Variants in TRAPPC11 observed in about 807,000 individuals in gnomAD.
TRAPPC11 encodes the protein trafficking protein particle complex subunit 11, also known as foie gras homolog.
Under a neutral mutation model 151.2 loss-of-function variants are expected in TRAPPC11, and 104 were observed. The ratio of observed to expected loss-of-function variants is 0.69; its 90% CI spans 0.59 to 0.81. TRAPPC11 has a LOEUF of 0.81. Among genes scored for constraint, TRAPPC11 ranks in the 30% least tolerant of loss-of-function variants. The pLI is 0.00. For synonymous variants in TRAPPC11, 456 were observed against 472.3 expected, an observed-to-expected ratio of 0.97 and a Z score of 0.45; for missense variants, 1,230 against 1,349.6, an observed-to-expected ratio of 0.91 and a Z score of 1.39.
At chr4:183,664,182 G>T in intron 2 of TRAPPC11, 111 bp downstream of exon 2, 1 of 902,624 alleles carries the variant, frequency 1.1e-6, no homozygotes, top group Non-Finnish European at 1.7e-6. Context: ...TGGTCACAGT[G>T]GTGCATAAAG....
At chr4:183,662,969 T>C (rs1734634531) in intron 1 of TRAPPC11, among the ~76,000 whole-genome samples, 1 of 152,222 alleles carries the variant, frequency 6.6e-6, no homozygotes, top group East Asian at 1.9e-4. Flanking sequence ...TTTTAATAGA[T>C]CTAATTCAGG....
At chr4:183,688,370 G>A (rs1009074526) in intron 18 of TRAPPC11, among the ~76,000 whole-genome samples, 1 of 152,180 alleles carries the variant, frequency 6.6e-6, no homozygotes, top group South Asian at 2.1e-4. Flanking sequence ...GGAAACAGAA[G>A]CGCACAATCT....
intron 23 of TRAPPC11, 91 bp from the exon 24 acceptor site, chr4:183,697,412 A>G: frequency 1.7e-6 from 2 of 1,181,070 alleles, no homozygotes; most frequent in East Asian, 5.0e-5. Flanking sequence ...ATTTGGGATT[A>G]TTTATTGATC....
At chr4:183,700,215 C>T (rs780897015) in intron 25 of TRAPPC11, among the ~76,000 whole-genome samples, 1 of 152,138 alleles carries the variant, frequency 6.6e-6, no homozygotes. Flanking sequence ...TTTTAAAAGA[C>T]GATCTCTAGA....
rs1735836455 is a variant in TRAPPC11, at chr4:183,684,055, G to C, written c.1287+1G>C. Reference sequence around the variant, plus strand: ...GAAGGAGAGAAATGTTGTTCACTCTGTAAGTTTTGTGTCCAATATAAACTA... The same window carrying C: ...GAAGGAGAGAAATGTTGTTCACTCTCTAAGTTTTGTGTCCAATATAAACTA... On this transcript the variant is annotated splice_donor_variant, in intron 12 of 29. Transcript: ENST00000334690. LOFTEE classifies it high-confidence loss of function. 1.2e-6 allele frequency: 2 copies of C among 1,613,358 alleles called. No homozygotes were observed. The highest frequency in any genetic ancestry group is 8.5e-7 in the Non-Finnish European group (1 of 1,179,492).
rs749648928 is a variant in TRAPPC11, at chr4:183,694,642, T to C, written c.2547T>C (p.Gly849=). The change falls in exon 23 of 30, where the codon GGT becomes GGC. Residue 849 remains glycine, a synonymous_variant. Coordinates refer to ENST00000334690, the MANE Select transcript of TRAPPC11 (RefSeq NM_021942.6). Reference sequence around the variant, plus strand: ...TGTATGTTCGCTGTGGAACAGTGGGTTCCAGAATGTTTCTTGTATATGTTT... The same window carrying C: ...TGTATGTTCGCTGTGGAACAGTGGGCTCCAGAATGTTTCTTGTATATGTTT... ...KMLYVRCGTV[G]SRMFLVYVSY... is the part of the protein sequence containing the mutation. 10 of 1,612,678 alleles carry C rather than the reference T, an allele frequency of 6.2e-6. 1 individual carries two copies. The South Asian group carries it at 1.1e-4, about 18-fold the overall frequency.
chr4:183,669,189 A>G (rs1735027728), intron 5 of TRAPPC11, among the ~76,000 whole-genome samples: 1 of 152,262 alleles, frequency 6.6e-6, no homozygotes, highest in South Asian at 2.1e-4. Flanking sequence ...TTCACACCAC[A>G]GAAAATCAAG....
At chr4:183,668,416 A>G (rs567446566) in intron 5 of TRAPPC11, among the ~76,000 whole-genome samples, 1 of 152,332 alleles carries the variant, frequency 6.6e-6, no homozygotes, top group Admixed American at 6.5e-5. Flanking sequence ...CAAAAACATA[A>G]ATGTGCTCAT....
At chr4:183,659,818 G>T (rs1423465458) in intron 1 of TRAPPC11, among the ~76,000 whole-genome samples, 1 of 151,988 alleles carries the variant, frequency 6.6e-6, no homozygotes, top group Non-Finnish European at 1.5e-5. Flanking sequence ...TCTTTTGTTC[G>T]TTTTGTAGTT....
At chr4:183,698,463 T>C (rs1234107770) in intron 25 of TRAPPC11, among the ~76,000 whole-genome samples, 1 of 152,198 alleles carries the variant, frequency 6.6e-6, no homozygotes, top group African/African-American at 2.4e-5. Flanking sequence ...ATTGTCCTTA[T>C]TGTGCTAATT....
Position 183,708,508 on chromosome 4 carries a change from G to A in TRAPPC11, c.3291G>A (p.Leu1097=). The A allele has an allele frequency of 6.2e-7, 1 of 1,614,032 alleles. No homozygotes were observed. The highest frequency in any genetic ancestry group is 8.5e-7 in the Non-Finnish European group (1 of 1,179,976). Reference sequence around the variant, plus strand: ...AGCTGCCATCTCTCAACATCAACTTGCTTAGATTTCCTAACTTCACAAATC... The same window carrying A: ...AGCTGCCATCTCTCAACATCAACTTACTTAGATTTCCTAACTTCACAAATC... ...YQQLPSLNIN[L]LRFPNFTNQL... The change falls in exon 29 of 30, where the codon TTG becomes TTA. Residue 1097 remains leucine (L), a synonymous_variant. Transcript: ENST00000334690.
In TRAPPC11 at chr4:183,693,937, C is replaced by T. The variant is rs780139133; in HGVS notation, c.2407C>T (p.Gln803Ter). The T allele has an allele frequency of 6.8e-6, 11 of 1,613,458 alleles. No individual in the cohort carries two copies. Among genetic ancestry groups the T allele is most frequent in the East Asian group, 2.2e-5 (1 of 44,882 alleles). The change falls in exon 22 of 30, where the codon CAG becomes TAG. Residue 803 changes from glutamine to a stop codon, truncating the protein, a stop_gained. Coordinates refer to ENST00000334690, the MANE Select transcript of TRAPPC11 (RefSeq NM_021942.6). LOFTEE classifies it high-confidence loss of function. ...LKPGQDANLT[Q>*]KTHVTLHGTE... is the part of the protein sequence containing the mutation. ...TTTAGGACAGGATGCCAATTTAACT[C>T]AGAAGACTCACGTGACTCTTCATGG...
intron 14 of TRAPPC11, 127 bp downstream of exon 14, chr4:183,684,486 G>T: frequency 1.9e-6 from 2 of 1,062,586 alleles, no homozygotes; most frequent in Non-Finnish European, 1.4e-6. Flanking sequence ...CTCCATTTCT[G>T]TAATGTTTTT....
chr4:183,671,451 T>A (rs924015437), intron 5 of TRAPPC11, among the ~76,000 whole-genome samples: 1 of 152,020 alleles, frequency 6.6e-6, no homozygotes, highest in African/African-American at 2.4e-5. Context: ...CCACCCCTCA[T>A]CCCCCGCAGC....
At chr4:183,666,943 G>C (rs1316553913) in intron 3 of TRAPPC11, 117 bp from the exon 4 acceptor site, 1 of 733,532 alleles carries the variant, frequency 1.4e-6, no homozygotes, top group Admixed American at 2.9e-5. Context: ...TTCTGATCTT[G>C]GTTTTTTTAG....
At position 183,706,824 on chromosome 4, in the gene TRAPPC11, C is replaced by T. The variant is rs771331017; in HGVS notation, c.3073C>T (p.Arg1025Cys). 1.5e-5 allele frequency: 24 copies of T among 1,612,726 alleles called. No homozygotes were observed. Among genetic ancestry groups the T allele is most frequent in the Admixed American group, 5.0e-5 (3 of 59,876 alleles). ...HVNADLPSFG[R>C]VRESLPVKYH... ...CTCTGTAGATCTGCCGTCATTTGGG[C>T]GTGTCAGAGAGTCGTTACCTGTCAA... The change falls in exon 28 of 30, where the codon CGT (arginine) becomes TGT (cysteine). Residue 1025 changes from arginine to cysteine, a missense_variant. Arg to Cys is a radical substitution (Grantham distance 180). Transcript: ENST00000334690.
Position 183,686,647 on chromosome 4 carries a change from A to G in TRAPPC11, c.1792A>G (p.Ser598Gly), listed in dbSNP as rs1159104404. Residue 598 changes from serine (S) to glycine (G), a missense_variant, in exon 18 of 30, where the codon AGT (serine) becomes GGT (glycine). Transcript: ENST00000334690. Reference protein sequence around the residue: ...VQCKAKFHAPSFHVDVPVQFD... With the variant: ...VQCKAKFHAPGFHVDVPVQFD... ...GTGCAAAGCCAAGTTTCATGCCCCA[A>G]GTTTTCATGTTGATGTTCCTGTTCA... The G allele has an allele frequency of 1.9e-6, 3 of 1,613,960 alleles. No homozygotes were observed. Among genetic ancestry groups the G allele is most frequent in the Middle Eastern group, 1.7e-4 (1 of 6,058 alleles).
At chr4:183,692,879 C>A in intron 19 of TRAPPC11, 81 bp from the exon 20 acceptor site, 1 of 1,318,120 alleles carries the variant, frequency 7.6e-7, no homozygotes, top group African/African-American at 1.5e-5. Flanking sequence ...TCTTAGCAGT[C>A]GACGATGTAA....
intron 26 of TRAPPC11, among the ~76,000 whole-genome samples, chr4:183,704,430 A>C (rs1277328912): frequency 1.3e-5 from 2 of 151,574 alleles, no homozygotes; most frequent in Non-Finnish European, 2.9e-5. Flanking sequence ...CTGAGGCAGG[A>C]GAATCACTTG....
Sources: allele counts gnomAD v4.1 joint callset (sites outside exome capture counted in the v4.1 genomes callset), GRCh38; gene constraint gnomAD v4.1.1; transcripts MANE v1.5; gene names NCBI Gene and HGNC (gene_info 2026-07-23, HGNC 2026-07-21).